The following ZFHX3 variants were observed in gnomAD, a reference collection of about 807,000 sequenced individuals.
ZFHX3 encodes zinc finger homeobox 3, also known as zinc finger homeobox protein 3.
Under a neutral mutation model 279.1 loss-of-function variants are expected in ZFHX3, and 42 were observed. That is an observed-to-expected ratio of 0.15 (90% confidence interval 0.12 to 0.19). The LOEUF is 0.19. Among genes scored for constraint, ZFHX3 ranks in the 10% least tolerant of loss-of-function variants. ZFHX3 has a pLI of 1.00. For missense variants in ZFHX3, 4,981 were observed against 4,754.0 expected (o/e 1.05, Z -1.40); for synonymous variants, 2,293 against 1,957.8 (o/e 1.17, Z -4.52).
At chr16:72,908,137 T>C (rs1168378084) in intron 3 of ZFHX3, among the ~76,000 whole-genome samples, 1 of 152,192 alleles carries the variant, frequency 6.6e-6, no homozygotes, top group Non-Finnish European at 1.5e-5. Context: ...GCTTTATGTA[T>C]GTGGCACACC....
intron 4 of ZFHX3, among the ~76,000 whole-genome samples, 181 bp downstream of exon 4, chr16:72,889,550 C>A (rs1253454069): frequency 1.3e-5 from 2 of 151,504 alleles, no homozygotes; most frequent in Admixed American, 1.3e-4. Context: ...GACAGAAAGG[C>A]GGGCAGGCAA....
At chr16:73,556,032 G>GACCA (rs2020277109) in intron 2 of ZFHX3, among the ~76,000 whole-genome samples, 1 of 152,192 alleles carries the variant, frequency 6.6e-6, no homozygotes, top group African/African-American at 2.4e-5. Context: ...TGTGAAGTCA[G>GACCA]TTTGTGTTTC....
chr16:73,362,309 G>C (rs1401230018), intron 3 of ZFHX3, among the ~76,000 whole-genome samples: 1 of 152,176 alleles, frequency 6.6e-6, no homozygotes, highest in East Asian at 1.9e-4. Flanking sequence ...TATCTACTTT[G>C]GAATCTCCTT....
chr16:73,360,875 C>T (rs1456494726), intron 3 of ZFHX3, among the ~76,000 whole-genome samples: 1 of 152,072 alleles, frequency 6.6e-6, no homozygotes, highest in Non-Finnish European at 1.5e-5. Flanking sequence ...ACTGTTTTTT[C>T]TAATGGAACC....
rs1962920985 is a variant in ZFHX3, at chr16:72,988,074, C to A, written c.-49-27880G>T. Among the ~76,000 whole-genome samples the A allele has an allele frequency of 3.3e-5, 5 of 152,330 alleles. No homozygotes were observed. The South Asian group carries it at 1.0e-3, about 32-fold the overall frequency. On this transcript the variant is annotated intron_variant, in intron 1 of 9. Transcript: ENST00000268489. ...TCCCAACAATAACTTCAGCAAAAAA[C>A]ATACCCTAAGAACAATATGGTCCAC...
At chr16:73,529,403 G>C (rs897235833) in intron 2 of ZFHX3, among the ~76,000 whole-genome samples, 3 of 152,196 alleles carry the variant, frequency 2.0e-5, no homozygotes, top group African/African-American at 7.2e-5. Context: ...AATTCAGCGG[G>C]TTTCACTCAT....
rs563482491 is a variant in ZFHX3, at chr16:73,576,554, C to T, written c.-1547+103626G>A. Among the ~76,000 whole-genome samples the T allele has an allele frequency of 2.0e-4, 30 of 152,198 alleles. No homozygotes were observed. The East Asian group carries it at 3.7e-3, about 19-fold the overall frequency. On this transcript the variant is annotated intron_variant, in intron 2 of 17. Coordinates refer to the ZFHX3 transcript ENST00000641206. ...AATGATTCTTCCGTCATCATAGACA[C>T]GCACGGAAGTAAAAGTCTTTTAAAG...
Position 73,251,250 on chromosome 16 carries a change from C to T in ZFHX3, c.-1104+5797G>A, listed in dbSNP as rs532899247. On this transcript the variant is annotated intron_variant, in intron 5 of 17. Coordinates refer to the ZFHX3 transcript ENST00000641206. ...TTAGTGAGGGTACTATGGGTACTAA[C>T]TCACCAACTGTGTACAGTCCCCAAG... Among the ~76,000 whole-genome samples, 13 of 152,284 alleles carry T rather than the reference C, an allele frequency of 8.5e-5. No individual in the cohort carries two copies. In the South Asian group the frequency reaches 2.7e-3, roughly 32 times the overall value.
chr16:73,633,927 G>A (rs1383821870), intron 2 of ZFHX3, among the ~76,000 whole-genome samples: 1 of 151,770 alleles, frequency 6.6e-6, no homozygotes, highest in African/African-American at 2.4e-5. Flanking sequence ...TAAGAGCAGT[G>A]ATGTTTGGCA....
At chr16:73,649,975 T>A (rs1270754693) in intron 2 of ZFHX3, among the ~76,000 whole-genome samples, 1 of 152,122 alleles carries the variant, frequency 6.6e-6, no homozygotes, top group Non-Finnish European at 1.5e-5. Context: ...GAAAAATAGT[T>A]GTATAAGGAT....
At position 72,782,915 on chromosome 16, in the gene ZFHX3, C is replaced by G. The variant is rs2035183560; in HGVS notation, c.*4249G>C. The G allele has an allele frequency of 6.6e-6, 1 of 152,388 alleles. No individual in the cohort carries two copies. Among genetic ancestry groups the G allele is most frequent in the African/African-American group, 2.4e-5 (1 of 41,372 alleles). The allele number at this position is 152,388 out of a possible 1,614,324, so 9.4% of individuals were successfully genotyped here. A position where few individuals can be genotyped will look rare whatever the true frequency, so the allele number is the denominator to read the frequency against. On this transcript the variant is annotated 3_prime_UTR_variant, in exon 10 of 10. Coordinates refer to ENST00000268489, the MANE Select transcript of ZFHX3 (RefSeq NM_006885.4). The stretch of plus-strand genomic sequence containing the variant: ...CTCATATTTTTTTTTTAATGTATCA[C>G]AATGAGCAGGAAACATACTTGATGA...
chr16:73,742,128 T>C (rs1250652791), intron 1 of ZFHX3, among the ~76,000 whole-genome samples: 1 of 152,212 alleles, frequency 6.6e-6, no homozygotes, highest in Admixed American at 6.5e-5. Context: ...TGACATTTCC[T>C]CATTGAAATA....
At chr16:72,980,836 T>C (rs1416117011) in intron 1 of ZFHX3, among the ~76,000 whole-genome samples, 1 of 152,166 alleles carries the variant, frequency 6.6e-6, no homozygotes, top group Middle Eastern at 3.2e-3. Flanking sequence ...GGCTTCAAAA[T>C]ATTTCAGCAA....
intron 7 of ZFHX3, among the ~76,000 whole-genome samples, chr16:72,803,853 GTC>G (rs2036187127): frequency 3.9e-5 from 6 of 152,186 alleles, no homozygotes; most frequent in Admixed American, 3.9e-4. Context: ...AGCATTTTGG[GTC>G]TCTCAAGGTT....
chr16:72,801,048 G>A (rs2036083994), intron 7 of ZFHX3, among the ~76,000 whole-genome samples: 1 of 152,186 alleles, frequency 6.6e-6, no homozygotes, highest in Non-Finnish European at 1.5e-5. Flanking sequence ...AGCAGCCCTC[G>A]ATATCCAATG....
intron 1 of ZFHX3, among the ~76,000 whole-genome samples, chr16:72,991,493 C>A (rs1963088816): frequency 6.6e-6 from 1 of 152,192 alleles, no homozygotes; most frequent in Non-Finnish European, 1.5e-5. Context: ...AAGTTCATCA[C>A]TCATATGATG....
chr16:73,157,089 CGCACTCAGA>C (rs1193814078), intron 5 of ZFHX3, among the ~76,000 whole-genome samples: 1 of 151,958 alleles, frequency 6.6e-6, no homozygotes, highest in Non-Finnish European at 1.5e-5. Context: ...GTTTCTAAAG[CGCACTCAGA>C]TGTGCCTGCC....
At chr16:73,744,781 C>T (rs573860076) in intron 1 of ZFHX3, among the ~76,000 whole-genome samples, 10 of 152,262 alleles carry the variant, frequency 6.6e-5, no homozygotes, top group African/African-American at 2.4e-4. Context: ...TACTATTTCT[C>T]CCTCTTTAAA....
intron 2 of ZFHX3, among the ~76,000 whole-genome samples, chr16:73,583,518 G>A (rs1374123875): frequency 1.8e-4 from 28 of 152,106 alleles, no homozygotes; most frequent in Admixed American, 1.6e-3. Context: ...TTAAAATAAC[G>A]CCCACATAAT....
Sources: allele counts gnomAD v4.1 joint callset (sites outside exome capture counted in the v4.1 genomes callset), GRCh38; gene constraint gnomAD v4.1.1; transcripts MANE v1.5; gene names NCBI Gene and HGNC (gene_info 2026-07-23, HGNC 2026-07-21).